Variants in RBM39 observed in about 807,000 individuals in gnomAD.
The protein encoded by RBM39 is RNA-binding protein 39.
Under a neutral mutation model 79.6 loss-of-function variants are expected in RBM39, and 12 were observed. That is an observed-to-expected ratio of 0.15 (90% CI 0.10 to 0.24). The LOEUF is 0.24. Among genes scored for constraint, RBM39 ranks in the 10% least tolerant of loss-of-function variants. RBM39 has a pLI of 1.00. For synonymous variants in RBM39, 185 were observed against 208.4 expected (o/e 0.89, Z 0.97); for missense variants, 243 against 653.4 (o/e 0.37, Z 6.85).
At chr20:35,733,937 AGG>A in intron 3 of RBM39, among the ~76,000 whole-genome samples, 3 of 152,358 alleles carry the variant, frequency 2.0e-5, no homozygotes, top group Admixed American at 2.0e-4. Context: ...CAAATTTTAG[AGG>A]TGCCTTCAGA....
intron 13 of RBM39, among the ~76,000 whole-genome samples, chr20:35,708,462 A>G (rs1185805039): frequency 6.6e-6 from 1 of 152,156 alleles, no homozygotes; most frequent in Non-Finnish European, 1.5e-5. Context: ...TGCAGAACAC[A>G]GTAAATCTAG....
chr20:35,721,094 A>C (rs2425098), intron 9 of RBM39, among the ~76,000 whole-genome samples: 21,325 of 151,966 alleles, frequency 0.14, 1,695 homozygotes, highest in African/African-American at 0.22. Flanking sequence ...AGACGCACCA[A>C]CACGCCCAGC....
intron 3 of RBM39, among the ~76,000 whole-genome samples, chr20:35,733,522 T>C (rs1446363066): frequency 6.6e-6 from 1 of 151,470 alleles, no homozygotes; most frequent in Non-Finnish European, 1.5e-5. Flanking sequence ...GGCAGGAGAA[T>C]CGCTTGAACC....
intron 3 of RBM39, among the ~76,000 whole-genome samples, chr20:35,736,294 C>A (rs2425119): frequency 0.19 from 28,361 of 151,990 alleles, 3,039 homozygotes; most frequent in African/African-American, 0.31. Context: ...CTAAACCCAA[C>A]CTGATCCCCA....
At chr20:35,705,980 T>A (rs1038155934) in intron 14 of RBM39, among the ~76,000 whole-genome samples, 1 of 152,044 alleles carries the variant, frequency 6.6e-6, no homozygotes, top group Non-Finnish European at 1.5e-5. Context: ...GGCGGGCACA[T>A]CACTTGAGGT....
At chr20:35,724,806 G>A (rs1371994950) in intron 7 of RBM39, 84 bp from the exon 8 acceptor site, 1 of 1,454,062 alleles carries the variant, frequency 6.9e-7, no homozygotes, top group East Asian at 2.3e-5. Context: ...GAAGGATGAA[G>A]GTATTTTTAA....
intron 8 of RBM39, among the ~76,000 whole-genome samples, chr20:35,724,261 G>A (rs1019700298): frequency 3.3e-5 from 5 of 152,000 alleles, no homozygotes; most frequent in Admixed American, 6.6e-5. Flanking sequence ...GAACCCAGGA[G>A]GTGGAGGTTG....
intron 3 of RBM39, among the ~76,000 whole-genome samples, chr20:35,737,062 T>A (rs1339899280): frequency 6.9e-6 from 1 of 145,748 alleles, no homozygotes; most frequent in Non-Finnish European, 1.5e-5. Flanking sequence ...ATGGAGACCA[T>A]CCTGGCCAAC....
chr20:35,714,733 C>A (rs1359757588), intron 10 of RBM39, among the ~76,000 whole-genome samples: 1 of 152,122 alleles, frequency 6.6e-6, no homozygotes, highest in Admixed American at 6.6e-5. Flanking sequence ...GGCAGACCAC[C>A]TGAGGTAGAA....
At chr20:35,731,512 G>A (rs1163250690) in intron 4 of RBM39, 1 of 159,416 alleles carries the variant, frequency 6.3e-6, no homozygotes, top group Non-Finnish European at 1.4e-5. Flanking sequence ...TTTATTTACT[G>A]TTAACTAATT....
intron 9 of RBM39, among the ~76,000 whole-genome samples, chr20:35,717,211 C>G (rs962871813): frequency 6.6e-6 from 1 of 151,510 alleles, no homozygotes; most frequent in Non-Finnish European, 1.5e-5. Context: ...ACCCGGGAGG[C>G]AGAGGTTGCA....
At chr20:35,709,138 A>G in intron 13 of RBM39, 86 bp downstream of exon 13, 1 of 1,272,424 alleles carries the variant, frequency 7.9e-7, no homozygotes, top group Non-Finnish European at 1.1e-6. Flanking sequence ...TGGTATAAAA[A>G]TATGACAATA....
chr20:35,728,133 G>T (rs560802104), intron 6 of RBM39, among the ~76,000 whole-genome samples: 1 of 152,308 alleles, frequency 6.6e-6, no homozygotes, highest in East Asian at 1.9e-4. Flanking sequence ...AAACTTCATT[G>T]AAGAACCTAG....
chr20:35,709,125 T>C, intron 13 of RBM39, 99 bp downstream of exon 13: 1 of 1,130,780 alleles, frequency 8.8e-7, no homozygotes, highest in Non-Finnish European at 1.2e-6. Context: ...TGGTCCAAAT[T>C]ACTGGTATAA....
intron 6 of RBM39, among the ~76,000 whole-genome samples, chr20:35,726,987 G>A (rs1427501402): frequency 1.4e-5 from 2 of 146,028 alleles, no homozygotes; most frequent in Non-Finnish European, 3.0e-5. Flanking sequence ...ACTACATCCG[G>A]CTAATTTTTG....
intron 3 of RBM39, among the ~76,000 whole-genome samples, chr20:35,737,076 G>A (rs1482321516): frequency 2.6e-5 from 4 of 151,278 alleles, no homozygotes; most frequent in Admixed American, 2.0e-4. Context: ...GGCCAACATC[G>A]TGAAACCCTG....
At chr20:35,721,190 C>T (rs2037893387) in intron 9 of RBM39, among the ~76,000 whole-genome samples, 1 of 152,184 alleles carries the variant, frequency 6.6e-6, no homozygotes, top group Admixed American at 6.6e-5. Context: ...CTCGGCCTCC[C>T]TCCCAAAATG....
At chr20:35,735,765 T>G (rs2039839173) in intron 3 of RBM39, among the ~76,000 whole-genome samples, 1 of 152,196 alleles carries the variant, frequency 6.6e-6, no homozygotes, top group African/African-American at 2.4e-5. Flanking sequence ...TGACGAGAAG[T>G]CTGACTGGAA....
intron 13 of RBM39, among the ~76,000 whole-genome samples, chr20:35,708,245 A>AG (rs2035989166): frequency 6.6e-6 from 1 of 152,042 alleles, no homozygotes; most frequent in Non-Finnish European, 1.5e-5. Flanking sequence ...AAGATTCGAG[A>AG]GTGTATTATA....
Sources: gnomAD v4.1 joint callset for allele counts (sites outside exome capture counted in the v4.1 genomes callset) on GRCh38, gnomAD v4.1.1 for gene constraint, MANE v1.5 for transcripts, NCBI Gene and HGNC (gene_info 2026-07-23, HGNC 2026-07-21) for gene names.